Variants in VIT observed in about 807,000 individuals in gnomAD.
The protein encoded by VIT is vitrin.
Under a neutral mutation model 78.0 loss-of-function variants are expected in VIT, and 99 were observed. The ratio of observed to expected loss-of-function variants is 1.27; its 90% CI spans 1.08 to 1.50. The LOEUF is 1.50. Among genes scored for constraint, VIT ranks in the 40% most tolerant of loss-of-function variants. The probability of loss-of-function intolerance (pLI) is 0.00; values close to 1 mark genes in which losing one functional copy is unlikely to be tolerated. For missense variants in VIT, 1,126 were observed against 875.3 expected, an observed-to-expected ratio of 1.29 and a Z score of -3.61; for synonymous variants, 374 against 334.3, an observed-to-expected ratio of 1.12 and a Z score of -1.29.
intron 12 of VIT, among the ~76,000 whole-genome samples, chr2:36,792,137 G>A (rs1043548535): frequency 2.0e-5 from 3 of 152,058 alleles, no homozygotes; most frequent in Admixed American, 2.0e-4. Context: ...CCAGAATCTG[G>A]CAAGGGGATG....
intron 5 of VIT, 145 bp downstream of exon 5, chr2:36,755,199 C>G: frequency 1.1e-6 from 1 of 942,320 alleles, no homozygotes; most frequent in Non-Finnish European, 1.5e-6. Context: ...AGAATCACGA[C>G]ACAATAAATT....
At chr2:36,801,636 T>C (rs925052701) in intron 13 of VIT, among the ~76,000 whole-genome samples, 1 of 152,066 alleles carries the variant, frequency 6.6e-6, no homozygotes, top group African/African-American at 2.4e-5. Flanking sequence ...GGTTAAACCC[T>C]CTTTCTACTA....
chr2:36,750,250 G>T (rs1558537905), intron 4 of VIT, among the ~76,000 whole-genome samples: 1 of 152,208 alleles, frequency 6.6e-6, no homozygotes, highest in African/African-American at 2.4e-5. Flanking sequence ...ACACGTGTTT[G>T]CACACCCATA....
chr2:36,766,578 A>T (rs1260634657), intron 6 of VIT, among the ~76,000 whole-genome samples: 1 of 152,172 alleles, frequency 6.6e-6, no homozygotes, highest in East Asian at 1.9e-4. Flanking sequence ...CCATCCAGGT[A>T]GTTCTATTAC....
chr2:36,787,153 T>C lies in VIT; in HGVS notation c.935T>C (p.Leu312Ser). The C allele has an allele frequency of 6.2e-7, 1 of 1,614,232 alleles. No homozygotes were observed. The highest frequency in any genetic ancestry group is 8.5e-7 in the Non-Finnish European group (1 of 1,180,038). ...GACTGCAAAATTGACTTGTCGTTTT[T>C]AATTGATGGGAGCACCAGCATTGGC... ...DPNCKIDLSF[L>S]IDGSTSIGKR... Residue 312 changes from leucine (L) to serine (S), a missense_variant, in exon 12 of 16, where the codon TTA (leucine) becomes TCA (serine). Leu to Ser is a moderately radical substitution (Grantham distance 145). Coordinates refer to ENST00000379242, the MANE Select transcript of VIT (RefSeq NM_053276.4).
intron 12 of VIT, among the ~76,000 whole-genome samples, chr2:36,795,367 T>C (rs1558579936): frequency 3.0e-5 from 2 of 66,918 alleles, no homozygotes; most frequent in African/African-American, 4.7e-5. Context: ...TTTATTTTAT[T>C]TATTTTATTT....
intron 12 of VIT, chr2:36,788,177 G>C (rs967556851): frequency 5.5e-6 from 1 of 181,820 alleles, no homozygotes; most frequent in Non-Finnish European, 1.1e-5. Flanking sequence ...AGGGGTGACG[G>C]AAGTGGAAAC....
At chr2:36,792,908 TTTA>T (rs772589082) in intron 12 of VIT, among the ~76,000 whole-genome samples, 1 of 152,154 alleles carries the variant, frequency 6.6e-6, no homozygotes, top group Non-Finnish European at 1.5e-5. Context: ...ATTGCTGATT[TTTA>T]TTATTATTAT....
intron 12 of VIT, among the ~76,000 whole-genome samples, chr2:36,791,164 T>C: frequency 6.6e-6 from 1 of 152,166 alleles, no homozygotes; most frequent in East Asian, 1.9e-4. Context: ...CAAATAGACT[T>C]TTCCTTGCTC....
intron 2 of VIT, among the ~76,000 whole-genome samples, chr2:36,723,760 T>C (rs1666656047): frequency 6.6e-6 from 1 of 152,030 alleles, no homozygotes; most frequent in Non-Finnish European, 1.5e-5. Context: ...AAAGACAGCC[T>C]GGGTAACATA....
At chr2:36,724,035 T>C (rs72869233) in intron 2 of VIT, among the ~76,000 whole-genome samples, 5,751 of 151,638 alleles carry the variant, frequency 0.038, 326 homozygotes, top group African/African-American at 0.13. Flanking sequence ...TTTTTTTTTT[T>C]CCCACAGAAT....
At chr2:36,787,851 C>T (rs937403312) in intron 12 of VIT, 5 of 455,772 alleles carry the variant, frequency 1.1e-5, no homozygotes, top group Non-Finnish European at 2.2e-5. Context: ...GGAAGAGAGA[C>T]GGCCCCCATC....
In VIT at chr2:36,801,034, A is replaced by T. The variant is rs116443697; in HGVS notation, c.1059-267A>T. Among the ~76,000 whole-genome samples the T allele has an allele frequency of 1.8e-3, 267 of 152,322 alleles. 1 individual carries two copies. Among genetic ancestry groups the T allele is most frequent in the African/African-American group, 6.3e-3 (262 of 41,566 alleles). On this transcript the variant is annotated intron_variant, in intron 12 of 15. Coordinates refer to ENST00000379242, the MANE Select transcript of VIT (RefSeq NM_053276.4). Reference sequence around the variant, plus strand: ...ATATGGGTGTTATAACGATGTTTTCATCTACATGAGGAATCTGAAGCCCAG... The same window carrying T: ...ATATGGGTGTTATAACGATGTTTTCTTCTACATGAGGAATCTGAAGCCCAG...
At chr2:36,720,131 T>C (rs1341816750) in intron 2 of VIT, among the ~76,000 whole-genome samples, 2 of 151,998 alleles carry the variant, frequency 1.3e-5, no homozygotes, top group Admixed American at 6.6e-5. Flanking sequence ...CACAGAAATT[T>C]GGAAAAAAAA....
At chr2:36,753,523 G>A (rs1167879682) in intron 4 of VIT, among the ~76,000 whole-genome samples, 1 of 152,110 alleles carries the variant, frequency 6.6e-6, no homozygotes, top group South Asian at 2.1e-4. Flanking sequence ...AGTACAAGAC[G>A]GAACAAAATC....
intron 15 of VIT, among the ~76,000 whole-genome samples, chr2:36,813,044 A>AT (rs1464468590): frequency 1.3e-5 from 2 of 149,782 alleles, no homozygotes; most frequent in East Asian, 2.0e-4. Context: ...TGCAAAAAAA[A>AT]AAAAAAAAAA....
intron 1 of VIT, among the ~76,000 whole-genome samples, chr2:36,713,481 GA>G (rs1244506843): frequency 6.6e-6 from 1 of 152,210 alleles, no homozygotes; most frequent in Admixed American, 6.5e-5. Context: ...GTAAGACGGG[GA>G]GCCACTGTGG....
At chr2:36,796,178 C>T (rs2148655751) in intron 12 of VIT, among the ~76,000 whole-genome samples, 1 of 151,396 alleles carries the variant, frequency 6.6e-6, no homozygotes, top group South Asian at 2.1e-4. Context: ...AATTTATGGT[C>T]ATGTTATCCA....
chr2:36,780,570 G>A (rs1223810273), intron 9 of VIT, among the ~76,000 whole-genome samples: 1 of 152,150 alleles, frequency 6.6e-6, no homozygotes, highest in Non-Finnish European at 1.5e-5. Flanking sequence ...TATGTGACTA[G>A]CTCAAGGTCA....
Sources: allele counts gnomAD v4.1 joint callset (sites outside exome capture counted in the v4.1 genomes callset), GRCh38; gene constraint gnomAD v4.1.1; transcripts MANE v1.5; gene names NCBI Gene and HGNC (gene_info 2026-07-23, HGNC 2026-07-21).